The following GABRR3 variants were observed in gnomAD, a reference collection of about 807,000 sequenced individuals.
The protein encoded by GABRR3 is gamma-aminobutyric acid receptor subunit rho-3.
Under a neutral mutation model 43.2 loss-of-function variants are expected in GABRR3, and 29 were observed. The ratio of observed to expected loss-of-function variants is 0.67; its 90% CI spans 0.50 to 0.92. GABRR3 has a LOEUF of 0.92. GABRR3 is among the 40% of genes least tolerant of loss of function. The probability of loss-of-function intolerance (pLI) is 0.00; values close to 1 mark genes in which losing one functional copy is unlikely to be tolerated. For synonymous variants in GABRR3, 206 were observed against 195.9 expected (o/e 1.05, Z -0.43); for missense variants, 576 against 572.3 (o/e 1.01, Z -0.07).
intron 8 of GABRR3, among the ~76,000 whole-genome samples, chr3:97,996,020 G>A (rs977754216): frequency 2.6e-5 from 4 of 152,130 alleles, no homozygotes; most frequent in Admixed American, 2.6e-4. Context: ...TAAAGATGGG[G>A]TCTTAAGAAC....
At chr3:97,998,540 C>T (rs1706591187) in intron 8 of GABRR3, 1 of 152,072 alleles carries the variant, frequency 6.6e-6, no homozygotes, top group Admixed American at 6.6e-5. Context: ...TGCAATTAAA[C>T]TTTAAGGGAT....
intron 3 of GABRR3, among the ~76,000 whole-genome samples, chr3:98,023,412 T>C (rs1257243151): frequency 6.6e-6 from 1 of 152,140 alleles, no homozygotes; most frequent in Non-Finnish European, 1.5e-5. Context: ...CCTGTGTGAC[T>C]GGCGCCCCCT....
intron 9 of GABRR3, among the ~76,000 whole-genome samples, chr3:97,991,847 T>TAA (rs11411389): frequency 2.0e-5 from 3 of 151,696 alleles, no homozygotes; most frequent in African/African-American, 7.3e-5. Flanking sequence ...AATCCTCATG[T>TAA]AAAAAAAAAC....
chr3:97,985,877 T>A (rs955479530), downstream of GABRR3, among the ~76,000 whole-genome samples: 9 of 151,666 alleles, frequency 5.9e-5, no homozygotes, highest in Admixed American at 3.9e-4. Flanking sequence ...TTATTTTATT[T>A]ATTTTTTGAG....
intron 2 of GABRR3, among the ~76,000 whole-genome samples, chr3:98,029,025 C>G (rs1707055458): frequency 6.6e-6 from 1 of 151,446 alleles, no homozygotes; most frequent in Non-Finnish European, 1.5e-5. Context: ...CTCCCCCATT[C>G]TAGAAAAAAA....
chr3:98,034,433 T>G (rs562875637), intron 2 of GABRR3, among the ~76,000 whole-genome samples: 1 of 152,268 alleles, frequency 6.6e-6, no homozygotes, highest in African/African-American at 2.4e-5. Context: ...CTTTTGATAC[T>G]ATTTCATCAA....
chr3:97,992,704 G>A, intron 9 of GABRR3, 148 bp downstream of exon 9: 1 of 656,188 alleles, frequency 1.5e-6, no homozygotes, highest in Non-Finnish European at 2.4e-6. Context: ...AAGGTTCAAT[G>A]TTAAATTGTC....
intron 9 of GABRR3, among the ~76,000 whole-genome samples, chr3:97,990,621 A>T (rs1416243367): frequency 6.6e-6 from 1 of 152,194 alleles, no homozygotes; most frequent in Admixed American, 6.5e-5. Flanking sequence ...TGCTGGGATT[A>T]CAGGCATGAA....
intron 2 of GABRR3, among the ~76,000 whole-genome samples, chr3:98,025,972 A>C (rs1035327668): frequency 1.3e-5 from 2 of 152,268 alleles, no homozygotes; most frequent in African/African-American, 2.4e-5. Flanking sequence ...GGAAAATCCC[A>C]ATTACCTGAG....
intron 3 of GABRR3, among the ~76,000 whole-genome samples, chr3:98,023,506 A>G (rs1706976614): frequency 6.6e-6 from 1 of 152,090 alleles, no homozygotes; most frequent in Admixed American, 6.5e-5. Context: ...TATTTTAAAG[A>G]TCTTTTATAG....
intron 8 of GABRR3, 61 bp downstream of exon 8, chr3:98,001,554 T>G (rs920806514): frequency 1.3e-6 from 2 of 1,577,462 alleles, no homozygotes; most frequent in Non-Finnish European, 1.7e-6. Flanking sequence ...TGACCCATTT[T>G]ATTTACCTCC....
intron 8 of GABRR3, among the ~76,000 whole-genome samples, chr3:97,995,319 A>G (rs1249343391): frequency 1.3e-5 from 2 of 152,178 alleles, no homozygotes; most frequent in Admixed American, 6.5e-5. Context: ...TTTAAGATAT[A>G]AAACATAGAA....
intron 5 of GABRR3, among the ~76,000 whole-genome samples, chr3:98,010,376 C>G (rs1033077824): frequency 6.6e-6 from 1 of 152,248 alleles, no homozygotes; most frequent in African/African-American, 2.4e-5. Flanking sequence ...CTCACCCAAG[C>G]CTTGGTATCT....
At chr3:98,009,130 G>A in intron 5 of GABRR3, 92 bp from the exon 6 acceptor site, 2 of 777,628 alleles carry the variant, frequency 2.6e-6, no homozygotes, top group Admixed American at 4.7e-5. Context: ...CTGTTTGCTG[G>A]TTCTGTGTGT....
intron 2 of GABRR3, among the ~76,000 whole-genome samples, chr3:98,028,191 ATGGGT>A (rs1388276638): frequency 2.6e-5 from 4 of 152,168 alleles, no homozygotes; most frequent in African/African-American, 9.7e-5. Context: ...GTATCGGCAA[ATGGGT>A]ATTACTCATT....
intron 9 of GABRR3, among the ~76,000 whole-genome samples, chr3:97,988,292 G>T (rs932140549): frequency 6.6e-6 from 1 of 152,026 alleles, no homozygotes; most frequent in Non-Finnish European, 1.5e-5. Context: ...TGCTGAAGCT[G>T]GTCTTGAACT....
At chr3:98,003,934 T>C (rs1481506936) in intron 7 of GABRR3, among the ~76,000 whole-genome samples, 1 of 152,182 alleles carries the variant, frequency 6.6e-6, no homozygotes, top group African/African-American at 2.4e-5. Flanking sequence ...GTCATGTGTA[T>C]GGCATCATCA....
At chr3:98,004,696 C>G (rs925223853) in intron 7 of GABRR3, among the ~76,000 whole-genome samples, 1 of 151,344 alleles carries the variant, frequency 6.6e-6, no homozygotes, top group Non-Finnish European at 1.5e-5. Flanking sequence ...AAAAAACACC[C>G]TGTTGTTCAG....
intron 2 of GABRR3, 21 bp from the exon 3 acceptor site, chr3:98,025,700 A>T: frequency 3.9e-6 from 6 of 1,536,480 alleles, no homozygotes; most frequent in Non-Finnish European, 5.3e-6. Context: ...AAAGGGAAAA[A>T]AAAAACTTCT....
Sources: gnomAD v4.1 joint callset for allele counts (sites outside exome capture counted in the v4.1 genomes callset) on GRCh38, gnomAD v4.1.1 for gene constraint, MANE v1.5 for transcripts, NCBI Gene and HGNC (gene_info 2026-07-23, HGNC 2026-07-21) for gene names.